Variants in AKNAD1 observed in about 807,000 individuals in gnomAD.
AKNAD1 encodes protein AKNAD1.
Under a neutral mutation model 90.8 loss-of-function variants are expected in AKNAD1, and 67 were observed. The ratio of observed to expected loss-of-function variants is 0.74; its 90% CI spans 0.61 to 0.90. The LOEUF is 0.90. Among genes scored for constraint, AKNAD1 ranks in the 40% least tolerant of loss-of-function variants. The pLI is 0.00. For synonymous variants in AKNAD1, 327 were observed against 341.4 expected (o/e 0.96, Z 0.46); for missense variants, 957 against 975.4 (o/e 0.98, Z 0.25).
intron 9 of AKNAD1, 46 bp from the exon 10 acceptor site, chr1:108,830,696 TCA>T: frequency 1.3e-6 from 2 of 1,593,252 alleles, no homozygotes; most frequent in South Asian, 1.1e-5. Flanking sequence ...AGGATGTGAC[TCA>T]CGCCGCGGCT....
rs373573870 is a variant in AKNAD1 at position 108,823,537 on chromosome 1, G to A, written c.2059+29C>T. ...CTGGGAACAGTGACTGTCCCCACTC[G>A]CCTTTCTGAGGCCCCAGGTGAGTGT... On this transcript the variant is annotated intron_variant, in intron 12 of 15. Coordinates refer to ENST00000370001, the MANE Select transcript of AKNAD1 (RefSeq NM_152763.5). The A allele has an allele frequency of 1.9e-5, 31 of 1,610,726 alleles. No homozygotes were observed. The African/African-American group carries it at 3.2e-4, about 17-fold the overall frequency.
rs1403198884 is a variant in AKNAD1, at chr1:108,845,749, GC to G, written c.1246-2483del. Among the ~76,000 whole-genome samples the G allele has an allele frequency of 5.2e-4, 79 of 152,266 alleles. 3 individuals are homozygous for G. ...CTGGGGAATTTGGAAAGGCTAACAG[GC>G]TCGAAGATATTGATGTTGGACAAGG... is the stretch of plus-strand genomic sequence containing the variant. On this transcript the variant is annotated intron_variant, in intron 5 of 15. Coordinates refer to ENST00000370001, the MANE Select transcript of AKNAD1 (RefSeq NM_152763.5).
chr1:108,844,166 C>T (rs1257839029), intron 5 of AKNAD1, among the ~76,000 whole-genome samples: 2 of 152,100 alleles, frequency 1.3e-5, no homozygotes, highest in Non-Finnish European at 2.9e-5. Context: ...AGTTCAAGAC[C>T]GGCCTGACCA....
chr1:108,848,948 C>A lies in AKNAD1; in HGVS notation c.1146G>T (p.Gln382His), dbSNP rs748596646. 1 of 1,608,388 alleles carries A rather than the reference C, an allele frequency of 6.2e-7. No individual in the cohort carries two copies. Among genetic ancestry groups the A allele is most frequent in the South Asian group, 1.1e-5 (1 of 89,272 alleles). ...QKISQGKQMC[Q>H]KLKEQTDQLK... is the part of the protein sequence containing the mutation. ...GTTGATCAGTCTGTTCTTTCAACTT[C>A]TGACACATCTGTTTCCCTTGGGATA... The change falls in exon 4 of 16, where the codon CAG (glutamine) becomes CAT (histidine). Residue 382 changes from glutamine (Q) to histidine (H), a missense_variant. Gln to His is a conservative substitution (Grantham distance 24). Transcript: ENST00000370001.
At chr1:108,843,347 T>C in intron 5 of AKNAD1, 80 bp from the exon 6 acceptor site, 1 of 1,547,276 alleles carries the variant, frequency 6.5e-7, no homozygotes, top group Non-Finnish European at 8.8e-7. Flanking sequence ...AAAGCAGGTG[T>C]ACCCTACAGT....
At chr1:108,831,547 G>T (rs896468909) in intron 9 of AKNAD1, among the ~76,000 whole-genome samples, 1 of 152,084 alleles carries the variant, frequency 6.6e-6, no homozygotes, top group Admixed American at 6.5e-5. Flanking sequence ...GAAGGGAGGG[G>T]TGTGTCACCT....
intron 9 of AKNAD1, 117 bp from the exon 10 acceptor site, chr1:108,830,767 G>A (rs1178532280): frequency 2.2e-6 from 2 of 913,526 alleles, no homozygotes; most frequent in Non-Finnish European, 1.7e-6. Flanking sequence ...CTCAGGCAGA[G>A]AGACTCGCCA....
chr1:108,852,814 G>A (rs35665867), intron 1 of AKNAD1, 47 bp from the exon 2 acceptor site: 56,750 of 634,304 alleles, frequency 0.089, 2,894 homozygotes, highest in Non-Finnish European at 0.1. Context: ...TTGGAATAAT[G>A]TATACAACTA....
chr1:108,850,571 T>G (rs571485844), intron 2 of AKNAD1, among the ~76,000 whole-genome samples: 3 of 151,752 alleles, frequency 2.0e-5, no homozygotes, highest in Non-Finnish European at 4.4e-5. Context: ...GGGGTTCTGC[T>G]CAAACTCCCC....
At chr1:108,833,353 T>G (rs553052531) in intron 9 of AKNAD1, among the ~76,000 whole-genome samples, 43 of 152,140 alleles carry the variant, frequency 2.8e-4, no homozygotes, top group African/African-American at 9.9e-4. Context: ...GAGGCTGAGG[T>G]GGGTGGATCA....
At chr1:108,841,621 C>A (rs1664556124) in intron 6 of AKNAD1, among the ~76,000 whole-genome samples, 1 of 152,140 alleles carries the variant, frequency 6.6e-6, no homozygotes, top group Non-Finnish European at 1.5e-5. Context: ...AAGGACTAGT[C>A]AATGAATTTG....
Position 108,816,273 on chromosome 1 carries a change from T to A in AKNAD1, c.2409A>T (p.Leu803=). Residue 803 remains leucine, a synonymous_variant, in exon 16 of 16, where the codon CTA becomes CTT. Transcript: ENST00000370001. The part of the protein sequence containing the change: ...EILNSALDHA[L]RTATILKETT... ...TTTCTTTCAAAATGGTTGCTGTCCT[T>A]AGGGCATGATCCAAAGCCGAGTTTA... 1 of 1,613,578 alleles carries A rather than the reference T, an allele frequency of 6.2e-7. No homozygotes were observed. Among genetic ancestry groups the A allele is most frequent in the South Asian group, 1.1e-5 (1 of 90,914 alleles).
At chr1:108,845,752 C>T (rs1018059604) in intron 5 of AKNAD1, among the ~76,000 whole-genome samples, 2 of 151,970 alleles carry the variant, frequency 1.3e-5, no homozygotes, top group East Asian at 1.9e-4. Context: ...CTAACAGGCT[C>T]GAAGATATTG....
chr1:108,817,339 G>C (rs987685801), intron 14 of AKNAD1, 162 bp from the exon 15 acceptor site: 34 of 773,096 alleles, frequency 4.4e-5, no homozygotes, highest in Middle Eastern at 4.0e-4. Flanking sequence ...GTGGCTGACC[G>C]CAGCTGGGCT....
Position 108,851,718 on chromosome 1 carries a change from T to C in AKNAD1, c.947A>G (p.His316Arg). The stretch of plus-strand genomic sequence containing the variant: ...AGTGATTTTCCCTTTCTGCTCTTGA[T>C]GTTGTTTTTCAACACAGTTTGACTC... ...TPESNCVEKQ[H>R]QEQKGKITEP... The change falls in exon 2 of 16, where the codon CAT (histidine) becomes CGT (arginine). Residue 316 changes from histidine to arginine, a missense_variant. Physicochemically the swap from His to Arg is conservative, Grantham distance 29. Coordinates refer to ENST00000370001, the MANE Select transcript of AKNAD1 (RefSeq NM_152763.5). 3 of 1,601,814 alleles carry C rather than the reference T, an allele frequency of 1.9e-6. No homozygotes were observed. The highest frequency in any genetic ancestry group is 2.5e-6 in the Non-Finnish European group (3 of 1,176,564).
intron 2 of AKNAD1, among the ~76,000 whole-genome samples, chr1:108,850,391 G>C (rs1311394764): frequency 6.6e-6 from 1 of 152,140 alleles, no homozygotes; most frequent in Admixed American, 6.5e-5. Context: ...ATATCCATCT[G>C]CTCCTGCTAA....
chr1:108,827,384 A>C (rs1664037729), intron 10 of AKNAD1, 82 bp from the exon 11 acceptor site: 1 of 1,045,312 alleles, frequency 9.6e-7, no homozygotes, highest in Non-Finnish European at 1.5e-6. Context: ...TTGAAACGTT[A>C]AATTTTGTTA....
intron 6 of AKNAD1, among the ~76,000 whole-genome samples, chr1:108,839,131 A>G (rs936955416): frequency 3.3e-5 from 5 of 152,180 alleles, no homozygotes; most frequent in African/African-American, 4.8e-5. Context: ...CACTAAACAT[A>G]ATTCTACCAA....
chr1:108,819,611 CAAA>C (rs536865120), intron 14 of AKNAD1, among the ~76,000 whole-genome samples: 103 of 151,474 alleles, frequency 6.8e-4, no homozygotes, highest in African/African-American at 2.4e-3. Flanking sequence ...GACCCTGCCT[CAAA>C]AAAAATTTTT....
Sources: gnomAD v4.1 joint callset for allele counts (sites outside exome capture counted in the v4.1 genomes callset) on GRCh38, gnomAD v4.1.1 for gene constraint, MANE v1.5 for transcripts, NCBI Gene and HGNC (gene_info 2026-07-23, HGNC 2026-07-21) for gene names.